Variants in MAPK10 observed in about 807,000 individuals in gnomAD.
MAPK10 encodes mitogen-activated protein kinase 10, also known as JNK3 alpha protein kinase.
A neutral mutation model predicts 59.3 loss-of-function variants in MAPK10; 25 were observed. The observed-to-expected ratio is 0.42, with a 90% CI of 0.31 to 0.59. MAPK10 has a LOEUF of 0.59. Ranked by LOEUF, MAPK10 falls within the 20% of genes least tolerant of loss-of-function variation. The probability of loss-of-function intolerance (pLI) is 0.15; values close to 1 mark genes in which losing one functional copy is unlikely to be tolerated. For synonymous variants in MAPK10, 190 were observed against 200.5 expected (o/e 0.95, Z 0.44); for missense variants, 351 against 568.9 (o/e 0.62, Z 3.90).
chr4:86,216,775 CAA>C (rs1343030912), intron 2 of MAPK10, among the ~76,000 whole-genome samples: 2 of 151,648 alleles, frequency 1.3e-5, no homozygotes, highest in Non-Finnish European at 2.9e-5. Context: ...AAATTGGTAA[CAA>C]AAGAGTATTA....
intron 8 of MAPK10, chr4:86,098,955 C>T (rs188583751): frequency 6.2e-5 from 12 of 193,878 alleles, no homozygotes; most frequent in East Asian, 6.1e-4. Context: ...TGTCATTTTC[C>T]GGATGCATAG....
At chr4:86,177,572 T>A (rs896406753) in intron 3 of MAPK10, among the ~76,000 whole-genome samples, 4 of 152,126 alleles carry the variant, frequency 2.6e-5, no homozygotes, top group African/African-American at 9.7e-5. Context: ...AAAACCCATA[T>A]AATTCTGGAA....
chr4:86,162,788 A>T (rs1019681356), intron 3 of MAPK10, among the ~76,000 whole-genome samples: 3 of 152,062 alleles, frequency 2.0e-5, no homozygotes, highest in African/African-American at 7.2e-5. Context: ...GTTTGAGGGG[A>T]GACTTGATCT....
intron 2 of MAPK10, among the ~76,000 whole-genome samples, chr4:86,200,532 C>T (rs1645747971): frequency 6.6e-6 from 1 of 151,850 alleles, no homozygotes; most frequent in Non-Finnish European, 1.5e-5. Context: ...TGTACCATAG[C>T]TTGTTAATTG....
chr4:86,233,822 T>C (rs894344801), intron 2 of MAPK10, among the ~76,000 whole-genome samples: 6 of 152,182 alleles, frequency 3.9e-5, no homozygotes, highest in African/African-American at 1.4e-4. Context: ...ATCTTTGTGG[T>C]AGTCATTACA....
At chr4:86,069,983 G>C (rs1221385297) in intron 9 of MAPK10, among the ~76,000 whole-genome samples, 3 of 152,152 alleles carry the variant, frequency 2.0e-5, no homozygotes, top group Non-Finnish European at 4.4e-5. Flanking sequence ...AATAAGAATT[G>C]TTAAAATGTT....
intron 4 of MAPK10, among the ~76,000 whole-genome samples, chr4:86,147,414 T>C (rs2065266431): frequency 6.6e-6 from 1 of 152,196 alleles, no homozygotes; most frequent in Non-Finnish European, 1.5e-5. Flanking sequence ...TCATTTGCAT[T>C]TTTTTCATTT....
chr4:86,549,415 GT>G (rs1332560452), intron 1 of MAPK10, among the ~76,000 whole-genome samples: 1 of 152,162 alleles, frequency 6.6e-6, no homozygotes, highest in East Asian at 1.9e-4. Flanking sequence ...ACTGAATATG[GT>G]AGGGAATTGT....
intron 11 of MAPK10, among the ~76,000 whole-genome samples, chr4:86,035,008 C>T (rs536928924): frequency 2.0e-5 from 3 of 151,982 alleles, no homozygotes; most frequent in South Asian, 4.2e-4. Flanking sequence ...TAAAACATGT[C>T]GTCAGAAGTG....
At chr4:86,424,947 G>GAA (rs1747074021) in intron 1 of MAPK10, among the ~76,000 whole-genome samples, 1 of 152,184 alleles carries the variant, frequency 6.6e-6, no homozygotes. Flanking sequence ...GTCATGGCCA[G>GAA]GGTGGATTTG....
intron 2 of MAPK10, among the ~76,000 whole-genome samples, chr4:86,349,201 C>T (rs1729858851): frequency 6.6e-6 from 1 of 152,150 alleles, no homozygotes; most frequent in Admixed American, 6.5e-5. Context: ...ATTACCTAAC[C>T]TATTTAAATA....
At chr4:86,535,652 T>A (rs1758186534) in intron 1 of MAPK10, among the ~76,000 whole-genome samples, 2 of 152,170 alleles carry the variant, frequency 1.3e-5, no homozygotes, top group Non-Finnish European at 2.9e-5. Context: ...TTTTTTTGTT[T>A]TTTCTTCCTT....
intron 11 of MAPK10, among the ~76,000 whole-genome samples, chr4:86,035,111 C>T (rs1454649444): frequency 7.9e-5 from 12 of 152,014 alleles, no homozygotes. Flanking sequence ...TGGCTCATGC[C>T]TGTAATCCCA....
At chr4:86,563,724 T>G (rs1261480190) in intron 1 of MAPK10, among the ~76,000 whole-genome samples, 1 of 152,136 alleles carries the variant, frequency 6.6e-6, no homozygotes, top group African/African-American at 2.4e-5. Flanking sequence ...GGGAGGGTAA[T>G]ATATACAGTG....
At chr4:86,323,742 G>A (rs1330547898) in intron 2 of MAPK10, among the ~76,000 whole-genome samples, 2 of 152,060 alleles carry the variant, frequency 1.3e-5, no homozygotes, top group Non-Finnish European at 2.9e-5. Context: ...TTATTCAACA[G>A]TATACTACTT....
chr4:86,037,747 T>C (rs772386505), intron 11 of MAPK10, among the ~76,000 whole-genome samples: 4 of 152,198 alleles, frequency 2.6e-5, no homozygotes, highest in Non-Finnish European at 5.9e-5. Flanking sequence ...AATGAGAATA[T>C]AGAAACTGAG....
intron 1 of MAPK10, among the ~76,000 whole-genome samples, chr4:86,400,520 A>G (rs1743565468): frequency 6.6e-6 from 1 of 152,140 alleles, no homozygotes; most frequent in African/African-American, 2.4e-5. Flanking sequence ...GAAAGACATG[A>G]CAGAAGAATA....
At chr4:86,369,738 G>A (rs1231262059) in intron 1 of MAPK10, among the ~76,000 whole-genome samples, 3 of 152,188 alleles carry the variant, frequency 2.0e-5, no homozygotes, top group Admixed American at 6.6e-5. Flanking sequence ...ATAGTGCAAT[G>A]ATAATAGTAG....
chr4:86,421,946 G>C (rs1033631083), intron 1 of MAPK10, among the ~76,000 whole-genome samples: 1 of 152,102 alleles, frequency 6.6e-6, no homozygotes, highest in Non-Finnish European at 1.5e-5. Context: ...CATGCTCACT[G>C]TACTCCAGCC....
Sources: allele counts gnomAD v4.1 joint callset (sites outside exome capture counted in the v4.1 genomes callset), GRCh38; gene constraint gnomAD v4.1.1; transcripts MANE v1.5; gene names NCBI Gene and HGNC (gene_info 2026-07-23, HGNC 2026-07-21).